The following RBM33 variants were observed in gnomAD, a reference collection of about 807,000 sequenced individuals.
The protein encoded by RBM33 is RNA-binding protein 33.
In RBM33, 28 loss-of-function variants were observed where a neutral mutation model predicts 132.6. That is an observed-to-expected ratio of 0.21 (90% CI 0.16 to 0.29). RBM33 has a LOEUF of 0.29. RBM33 is among the 10% of genes least tolerant of loss of function. The pLI, the probability that RBM33 is intolerant of heterozygous loss-of-function variation, is 1.00. For missense variants in RBM33, 1,291 were observed against 1,518.5 expected (o/e 0.85, Z 2.49); for synonymous variants, 634 against 593.0 (o/e 1.07, Z -1.01).
intron 1 of RBM33, among the ~76,000 whole-genome samples, chr7:155,649,913 T>C (rs1290719009): frequency 6.6e-6 from 1 of 152,234 alleles, no homozygotes; most frequent in Non-Finnish European, 1.5e-5. Context: ...AGCTCAAAGA[T>C]CAGCCAGAGG....
chr7:155,775,268 A>G lies in RBM33; in HGVS notation c.*227A>G. On this transcript the variant is annotated 3_prime_UTR_variant, in exon 18 of 18. Coordinates refer to ENST00000401878, the MANE Select transcript of RBM33 (RefSeq NM_053043.3). Reference sequence around the variant, plus strand: ...TTAGATTGCTTCACATTCTCTTGTCACCACCAAGAACTCCAAGTTTTTCGT... The same window carrying G: ...TTAGATTGCTTCACATTCTCTTGTCGCCACCAAGAACTCCAAGTTTTTCGT... 1 of 638,928 alleles carries G rather than the reference A, an allele frequency of 1.6e-6. No homozygotes were observed. Among genetic ancestry groups the G allele is most frequent in the Middle Eastern group, 4.1e-4 (1 of 2,422 alleles). 39.6% of individuals were successfully genotyped at this position (638,928 alleles called of 1,614,324 possible).
chr7:155,677,221 CTT>C (rs55977961), intron 3 of RBM33, among the ~76,000 whole-genome samples: 89,411 of 140,202 alleles, frequency 0.64, 28,887 homozygotes, highest in South Asian at 0.75. Flanking sequence ...TTCTTTTTTT[CTT>C]TTTTTTTTTT....
intron 12 of RBM33, 109 bp from the exon 13 acceptor site, chr7:155,741,710 A>T (rs1801342552): frequency 9.4e-7 from 1 of 1,061,708 alleles, no homozygotes. Flanking sequence ...AAAAGAAGTC[A>T]TTTACTAATT....
At chr7:155,724,381 A>C (rs147374696) in intron 9 of RBM33, among the ~76,000 whole-genome samples, 2 of 152,120 alleles carry the variant, frequency 1.3e-5, no homozygotes, top group Non-Finnish European at 2.9e-5. Flanking sequence ...ATACAAAATT[A>C]GTTGGGCATG....
At chr7:155,666,284 A>G (rs924440583) in intron 2 of RBM33, among the ~76,000 whole-genome samples, 1 of 152,172 alleles carries the variant, frequency 6.6e-6, no homozygotes, top group Non-Finnish European at 1.5e-5. Flanking sequence ...AACCAGGAGC[A>G]CCCATGTCTG....
At chr7:155,686,045 T>A (rs10949732) in intron 5 of RBM33, among the ~76,000 whole-genome samples, 2 of 152,104 alleles carry the variant, frequency 1.3e-5, no homozygotes, top group East Asian at 3.9e-4. Flanking sequence ...AAACTAAATT[T>A]GATTTTGTGT....
In RBM33 at chr7:155,693,186, A is replaced by C. The variant is rs912421405; in HGVS notation, c.568-7587A>C. Among the ~76,000 whole-genome samples, 5 of 152,228 alleles carry C rather than the reference A, an allele frequency of 3.3e-5. 1 individual carries two copies. The highest frequency in any genetic ancestry group is 2.1e-4 in the South Asian group (1 of 4,834). ...GTATTCCAATATTTTCTGATTTAAA[A>C]ATTTTTTTACTGTAAGCGAGAAATA... On this transcript the variant is annotated intron_variant, in intron 5 of 17. Transcript: ENST00000401878.
Position 155,716,716 on chromosome 7 carries a change from T to C in RBM33, c.1202-1669T>C, listed in dbSNP as rs938358029. On this transcript the variant is annotated intron_variant, in intron 8 of 17. Coordinates refer to ENST00000401878, the MANE Select transcript of RBM33 (RefSeq NM_053043.3). ...TCTTTCTCCACTTTCTCCAGTCTAG[T>C]GTTTCACTTTAGATATGGAATTGAT... Among the ~76,000 whole-genome samples, 25 of 152,324 alleles carry C rather than the reference T, an allele frequency of 1.6e-4. 1 individual carries two copies. The highest frequency in any genetic ancestry group is 5.1e-4 in the African/African-American group (21 of 41,574).
intron 13 of RBM33, among the ~76,000 whole-genome samples, chr7:155,743,149 A>G (rs1262047122): frequency 6.6e-6 from 1 of 152,274 alleles, no homozygotes; most frequent in African/African-American, 2.4e-5. Context: ...ATATTAACAT[A>G]CAATGAACTC....
intron 6 of RBM33, among the ~76,000 whole-genome samples, chr7:155,703,715 G>T (rs1446402729): frequency 6.6e-6 from 1 of 152,092 alleles, no homozygotes; most frequent in African/African-American, 2.4e-5. Context: ...TACATCTGAG[G>T]AAATATATAT....
intron 9 of RBM33, among the ~76,000 whole-genome samples, chr7:155,727,699 A>C (rs1800832339): frequency 6.6e-6 from 1 of 152,262 alleles, no homozygotes. Flanking sequence ...GTGGCAAGCC[A>C]CATATCTGCC....
intron 5 of RBM33, among the ~76,000 whole-genome samples, chr7:155,689,114 G>C (rs1203515457): frequency 3.9e-5 from 6 of 151,992 alleles, no homozygotes; most frequent in Non-Finnish European, 7.4e-5. Flanking sequence ...GACTTTTTTT[G>C]GTTGGTAAGC....
chr7:155,644,784 G>C lies in RBM33; in HGVS notation c.-93G>C. The C allele has an allele frequency of 3.5e-6, 4 of 1,132,956 alleles. No homozygotes were observed. The highest frequency in any genetic ancestry group is 4.7e-6 in the Non-Finnish European group (4 of 843,674). 70.2% of individuals were successfully genotyped at this position (1,132,956 alleles called of 1,614,324 possible). On this transcript the variant is annotated 5_prime_UTR_variant, in exon 1 of 18. Transcript: ENST00000401878. The stretch of plus-strand genomic sequence containing the variant: ...CCTCCTGCAGCCCCCTCCCTTCTCT[G>C]TCCTCCGTCACCCGTACCCGGGCCC...
chr7:155,672,351 A>G (rs1798965242), intron 2 of RBM33, among the ~76,000 whole-genome samples: 1 of 152,212 alleles, frequency 6.6e-6, no homozygotes, highest in African/African-American at 2.4e-5. Flanking sequence ...GTGAGGCACT[A>G]CCTATAGCAA....
chr7:155,684,823 A>C, intron 5 of RBM33: 1 of 1,243,770 alleles, frequency 8.0e-7, no homozygotes, highest in Non-Finnish European at 1.1e-6. Context: ...TAATCACCAT[A>C]GTAAAACTTT....
intron 7 of RBM33, 38 bp from the exon 8 acceptor site, chr7:155,711,165 A>G (rs372074179): frequency 7.0e-7 from 1 of 1,437,194 alleles, no homozygotes; most frequent in South Asian, 1.5e-5. Flanking sequence ...TTTTTTTGTG[A>G]TTTGTAGACT....
intron 16 of RBM33, among the ~76,000 whole-genome samples, chr7:155,768,710 G>A (rs934100480): frequency 6.6e-6 from 1 of 152,228 alleles, no homozygotes; most frequent in East Asian, 1.9e-4. Context: ...TCCGCCTCCC[G>A]GGTTCAAGCG....
chr7:155,756,814 C>T (rs868078519), intron 14 of RBM33, among the ~76,000 whole-genome samples: 4 of 150,748 alleles, frequency 2.7e-5, no homozygotes, highest in Admixed American at 6.6e-5. Flanking sequence ...TCCAGATAGC[C>T]GGGTAGCTTG....
chr7:155,659,496 C>T (rs1351413152), intron 1 of RBM33, among the ~76,000 whole-genome samples: 2 of 151,784 alleles, frequency 1.3e-5, no homozygotes, highest in Non-Finnish European at 2.9e-5. Flanking sequence ...TTTGAGCAAG[C>T]AGAAGAATCA....
Sources: gnomAD v4.1 joint callset for allele counts (sites outside exome capture counted in the v4.1 genomes callset) on GRCh38, gnomAD v4.1.1 for gene constraint, MANE v1.5 for transcripts, NCBI Gene and HGNC (gene_info 2026-07-23, HGNC 2026-07-21) for gene names.